The following ZFAND1 variants were observed in gnomAD, a reference collection of about 807,000 sequenced individuals.
ZFAND1 encodes the protein zinc finger AN1-type containing 1, also known as AN1-type zinc finger protein 1.
In ZFAND1, 40 loss-of-function variants were observed where a neutral mutation model predicts 38.5. The ratio of observed to expected loss-of-function variants is 1.04; its 90% CI spans 0.81 to 1.35. The LOEUF is 1.35. Among genes scored for constraint, ZFAND1 ranks in the 40% most tolerant of loss-of-function variants. The probability of loss-of-function intolerance (pLI) is 0.00; values close to 1 mark genes in which losing one functional copy is unlikely to be tolerated. For missense variants in ZFAND1, 346 were observed against 316.3 expected, an observed-to-expected ratio of 1.09 and a Z score of -0.71; for synonymous variants, 117 against 103.6, an observed-to-expected ratio of 1.13 and a Z score of -0.78.
At chr8:81,707,441 T>C (rs1808013886) in intron 6 of ZFAND1, among the ~76,000 whole-genome samples, 1 of 152,244 alleles carries the variant, frequency 6.6e-6, no homozygotes, top group African/African-American at 2.4e-5. Flanking sequence ...CTTTTTATAA[T>C]CATACTCTCA....
At position 81,701,844 on chromosome 8, in the gene ZFAND1, A is replaced by T. The variant is rs961834508; in HGVS notation, c.*851T>A. On this transcript the variant is annotated 3_prime_UTR_variant, in exon 8 of 8. Coordinates refer to ENST00000220669, the MANE Select transcript of ZFAND1 (RefSeq NM_024699.3). ...CTTTCCATTCTGTCTATATAGTAGTAGTTTTGGGGGTATAGATAGTAAACA... is the reference window on the plus strand; with the variant it reads ...CTTTCCATTCTGTCTATATAGTAGTTGTTTTGGGGGTATAGATAGTAAACA... 8 of 152,234 alleles carry T rather than the reference A, an allele frequency of 5.3e-5. No homozygotes were observed. Among genetic ancestry groups the T allele is most frequent in the Admixed American group, 2.0e-4 (3 of 15,288 alleles). 9.4% of individuals were successfully genotyped at this position (152,234 alleles called of 1,614,324 possible). A position where few individuals can be genotyped will look rare whatever the true frequency, so the allele number is the denominator to read the frequency against.
intron 6 of ZFAND1, among the ~76,000 whole-genome samples, chr8:81,711,108 C>T (rs902586710): frequency 2.0e-5 from 3 of 152,090 alleles, no homozygotes; most frequent in Admixed American, 1.3e-4. Flanking sequence ...TATACCTAAA[C>T]AAGTATATTA....
At position 81,718,226 on chromosome 8, in the gene ZFAND1, T is replaced by C. The variant is rs774799252; in HGVS notation, c.56-2A>G. 2 of 1,571,618 alleles carry C rather than the reference T, an allele frequency of 1.3e-6. No individual in the cohort carries two copies. Among genetic ancestry groups the C allele is most frequent in the South Asian group, 2.4e-5 (2 of 84,092 alleles). Reference sequence around the variant, plus strand: ...CATCACACACAAATGGAAGAAAATCTAAAATTGAGAGAAAATGTATATACT... The same window carrying C: ...CATCACACACAAATGGAAGAAAATCCAAAATTGAGAGAAAATGTATATACT... On this transcript the variant is annotated splice_acceptor_variant, in intron 1 of 7. Transcript: ENST00000220669. LOFTEE classifies it high-confidence loss of function.
chr8:81,714,399 G>C (rs1359536977), intron 5 of ZFAND1: 1 of 243,606 alleles, frequency 4.1e-6, no homozygotes, highest in Non-Finnish European at 8.0e-6. Context: ...CTAACATACT[G>C]GCAGGCAGAC....
chr8:81,705,594 C>T (rs904074910), intron 6 of ZFAND1, among the ~76,000 whole-genome samples: 1 of 152,116 alleles, frequency 6.6e-6, no homozygotes, highest in Admixed American at 6.5e-5. Context: ...ATAAGGAAGT[C>T]ATCCACAATA....
chr8:81,719,303 T>C (rs1299350240), intron 1 of ZFAND1, among the ~76,000 whole-genome samples: 2 of 84,878 alleles, frequency 2.4e-5, no homozygotes, highest in African/African-American at 1.1e-4. Context: ...ACCCCATCTC[T>C]ACTGAAAACA....
chr8:81,702,999 A>C lies in ZFAND1; in HGVS notation c.606T>G (p.Leu202=). The change falls in exon 7 of 8, where the codon CTT becomes CTG. Residue 202 remains leucine (L), a synonymous_variant. Coordinates refer to ENST00000220669, the MANE Select transcript of ZFAND1 (RefSeq NM_024699.3). The stretch of plus-strand genomic sequence containing the variant: ...CTGTAAATTTGTTATTGTCATTTTT[A>C]AGCCTGGCTAGAGAAGCGGCAAAGT... ...AIDFAASLAR[L]KNDNNKFTAK... is the part of the protein sequence containing the mutation. 6.5e-7 allele frequency: 1 copy of C among 1,535,602 alleles called. No homozygotes were observed. Among genetic ancestry groups the C allele is most frequent in the South Asian group, 1.3e-5 (1 of 77,684 alleles).
rs1201116089 is a variant in ZFAND1 at position 81,702,665 on chromosome 8, C to G, written c.*30G>C. On this transcript the variant is annotated 3_prime_UTR_variant, in exon 8 of 8. Coordinates refer to ENST00000220669, the MANE Select transcript of ZFAND1 (RefSeq NM_024699.3). ...ACTTAAACATGTAATAGAATTTTCC[C>G]TGTGATTTCTGACTTGAATCTTTGA... 7.2e-7 allele frequency: 1 copy of G among 1,389,354 alleles called. No homozygotes were observed. The highest frequency in any genetic ancestry group is 1.5e-5 in the African/African-American group (1 of 67,460). 86.1% of individuals were successfully genotyped at this position (1,389,354 alleles called of 1,614,324 possible). A position where few individuals can be genotyped will look rare whatever the true frequency, so the allele number is the denominator to read the frequency against.
chr8:81,718,327 A>G lies in ZFAND1; in HGVS notation c.56-103T>C, dbSNP rs1054079904. 46 of 854,068 alleles carry G rather than the reference A, an allele frequency of 5.4e-5. No homozygotes were observed. In the African/African-American group the frequency reaches 6.9e-4, roughly 13 times the overall value. 52.9% of individuals were successfully genotyped at this position (854,068 alleles called of 1,614,324 possible). A position where few individuals can be genotyped will look rare whatever the true frequency, so the allele number is the denominator to read the frequency against. ...ATGGAAAAACTTCCCATTTTGACTAATATCCTAGTGTAGCAAGCACTATGT... is the reference window on the plus strand; with the variant it reads ...ATGGAAAAACTTCCCATTTTGACTAGTATCCTAGTGTAGCAAGCACTATGT... On this transcript the variant is annotated intron_variant, in intron 1 of 7. Transcript: ENST00000220669.
intron 1 of ZFAND1, chr8:81,720,845 T>C (rs1404420165): frequency 2.0e-5 from 7 of 352,298 alleles, no homozygotes; most frequent in Non-Finnish European, 3.1e-5. Flanking sequence ...AAATGAACAC[T>C]GCAAGGTACG....
At chr8:81,716,487 T>C (rs945115359) in intron 3 of ZFAND1, among the ~76,000 whole-genome samples, 2 of 152,220 alleles carry the variant, frequency 1.3e-5, no homozygotes, top group Non-Finnish European at 2.9e-5. Context: ...GTAGGAATTT[T>C]ATTAAACTAT....
In ZFAND1 at chr8:81,701,975, T is replaced by C. The variant is rs1807826004; in HGVS notation, c.*720A>G. The C allele has an allele frequency of 6.6e-6, 1 of 152,218 alleles. No individual in the cohort carries two copies. Among genetic ancestry groups the C allele is most frequent in the African/African-American group, 2.4e-5 (1 of 41,456 alleles). 9.4% of individuals were successfully genotyped at this position (152,218 alleles called of 1,614,324 possible). A position where few individuals can be genotyped will look rare whatever the true frequency, so the allele number is the denominator to read the frequency against. ...GTTGAGCTATCCCATCTTTCTTCTC[T>C]ATGGAATATAGTCACACAAACAAAA... On this transcript the variant is annotated 3_prime_UTR_variant, in exon 8 of 8. Coordinates refer to ENST00000220669, the MANE Select transcript of ZFAND1 (RefSeq NM_024699.3).
At chr8:81,706,599 A>C (rs1042335591) in intron 6 of ZFAND1, among the ~76,000 whole-genome samples, 6 of 151,962 alleles carry the variant, frequency 3.9e-5, no homozygotes, top group African/African-American at 1.4e-4. Flanking sequence ...TGTTATCACC[A>C]TTATCATTTT....
At chr8:81,719,940 T>C (rs920899857) in intron 1 of ZFAND1, among the ~76,000 whole-genome samples, 1 of 152,234 alleles carries the variant, frequency 6.6e-6, no homozygotes, top group African/African-American at 2.4e-5. Flanking sequence ...CACACTGGCT[T>C]GTTATTACAG....
In ZFAND1 at chr8:81,705,825, C is replaced by A. The variant is rs538700768; in HGVS notation, c.481-2701G>T. On this transcript the variant is annotated intron_variant, in intron 6 of 7. Transcript: ENST00000220669. ...TCCCAGCTACTCAGGAGGCTAGGCA[C>A]GAGAATTGTTTGAACCGGGGAAGTA... 6.3e-4 allele frequency among the ~76,000 whole-genome samples: 96 copies of A among 152,146 alleles called. 1 individual carries two copies. The South Asian group carries it at 0.02, about 31-fold the overall frequency.
chr8:81,709,584 C>T (rs1808077679), intron 6 of ZFAND1, among the ~76,000 whole-genome samples: 1 of 151,930 alleles, frequency 6.6e-6, no homozygotes, highest in African/African-American at 2.4e-5. Flanking sequence ...AACAAATACA[C>T]TTACACATAT....
At chr8:81,706,461 G>A (rs1807988590) in intron 6 of ZFAND1, among the ~76,000 whole-genome samples, 1 of 150,598 alleles carries the variant, frequency 6.6e-6, no homozygotes, top group Non-Finnish European at 1.5e-5. Flanking sequence ...AAGATGATGG[G>A]ATAGGAGAGA....
Position 81,721,172 on chromosome 8 carries a change from A to C in ZFAND1, c.55+55T>G, listed in dbSNP as rs985417549. On this transcript the variant is annotated intron_variant, in intron 1 of 7. Transcript: ENST00000220669. ...CCGCCGCCACCATCCGCGGAGCCAA[A>C]GCGGAGCCCTGGTCTCCCGCGGCCG... 4 of 1,541,210 alleles carry C rather than the reference A, an allele frequency of 2.6e-6. No homozygotes were observed. In the South Asian group the frequency reaches 4.8e-5, roughly 18 times the overall value.
intron 6 of ZFAND1, among the ~76,000 whole-genome samples, chr8:81,713,283 TG>T (rs1563607750): frequency 2.1e-4 from 7 of 32,678 alleles, no homozygotes; most frequent in Admixed American, 1.2e-3. Flanking sequence ...CCACCACACC[TG>T]GCTAATTTTT....
Sources: gnomAD v4.1 joint callset for allele counts (sites outside exome capture counted in the v4.1 genomes callset) on GRCh38, gnomAD v4.1.1 for gene constraint, MANE v1.5 for transcripts, NCBI Gene and HGNC (gene_info 2026-07-23, HGNC 2026-07-21) for gene names.